SHISA9: variants seen among roughly 807,000 people sequenced by gnomAD.
SHISA9 encodes the protein protein shisa-9.
A neutral mutation model predicts 38.0 loss-of-function variants in SHISA9; 13 were observed. The ratio of observed to expected loss-of-function variants is 0.34; its 90% CI spans 0.22 to 0.54. The LOEUF is 0.54. Ranked by LOEUF, SHISA9 falls within the 20% of genes least tolerant of loss-of-function variation. The probability of loss-of-function intolerance (pLI) is 0.91; values close to 1 mark genes in which losing one functional copy is unlikely to be tolerated. For synonymous variants in SHISA9, 275 were observed against 242.0 expected (o/e 1.14, Z -1.27); for missense variants, 538 against 575.8 (o/e 0.93, Z 0.67).
chr16:12,970,112 T>C (rs1234616095), intron 2 of SHISA9, among the ~76,000 whole-genome samples: 1 of 150,656 alleles, frequency 6.6e-6, no homozygotes, highest in Admixed American at 6.6e-5. Context: ...CCTTTATGTA[T>C]TTAAATATTA....
chr16:13,105,975 C>G (rs149440091), intron 2 of SHISA9, among the ~76,000 whole-genome samples: 3 of 152,296 alleles, frequency 2.0e-5, no homozygotes, highest in African/African-American at 7.2e-5. Flanking sequence ...TCCATGTGCC[C>G]TGGTCTCTCT....
At chr16:13,370,946 T>G in the SHISA9 span, among the ~76,000 whole-genome samples, 191 of 152,230 alleles carry the variant, frequency 1.3e-3, no homozygotes, top group African/African-American at 4.5e-3. Context: ...GCTGCCAGAT[T>G]TAGTAAATAA....
At chr16:13,041,030 C>T (rs2073126354) in intron 2 of SHISA9, among the ~76,000 whole-genome samples, 1 of 152,172 alleles carries the variant, frequency 6.6e-6, no homozygotes, top group Non-Finnish European at 1.5e-5. Context: ...TCCATTCATT[C>T]ATTTAACAAG....
intron 2 of SHISA9, among the ~76,000 whole-genome samples, chr16:12,957,364 G>C (rs566251886): frequency 6.6e-5 from 10 of 152,294 alleles, no homozygotes; most frequent in Middle Eastern, 3.4e-3. Flanking sequence ...ATAAACAACA[G>C]ACATTTGTTT....
At chr16:12,958,966 G>T (rs2071872637) in intron 2 of SHISA9, among the ~76,000 whole-genome samples, 1 of 152,190 alleles carries the variant, frequency 6.6e-6, no homozygotes, top group African/African-American at 2.4e-5. Context: ...GGGCCAGTGT[G>T]GCTGGTATAG....
chr16:12,917,786 A>G (rs2071278076), intron 2 of SHISA9, among the ~76,000 whole-genome samples: 1 of 152,220 alleles, frequency 6.6e-6, no homozygotes, highest in Non-Finnish European at 1.5e-5. Flanking sequence ...AACAGAAACA[A>G]TTCTAATGAT....
At chr16:13,221,056 C>T (rs1567254070) in intron 4 of SHISA9, among the ~76,000 whole-genome samples, 1 of 151,578 alleles carries the variant, frequency 6.6e-6, no homozygotes, top group Non-Finnish European at 1.5e-5. Context: ...ATCACAGTAC[C>T]ACCGCCTGTT....
At chr16:13,079,902 T>G (rs895932844) in intron 2 of SHISA9, among the ~76,000 whole-genome samples, 3 of 152,214 alleles carry the variant, frequency 2.0e-5, no homozygotes, top group African/African-American at 7.2e-5. Context: ...AAACACCTTC[T>G]TGTGGTGTTA....
the SHISA9 span, among the ~76,000 whole-genome samples, chr16:13,420,322 G>A: frequency 4.7e-5 from 7 of 149,268 alleles, no homozygotes; most frequent in Non-Finnish European, 4.4e-5. Context: ...TGTGCTTGGT[G>A]CTGTGCCAGT....
At chr16:13,519,417 A>G in the SHISA9 span, among the ~76,000 whole-genome samples, 2 of 152,194 alleles carry the variant, frequency 1.3e-5, no homozygotes, top group African/African-American at 2.4e-5. Flanking sequence ...TGATGGGTAG[A>G]TGGCTTCACT....
At chr16:13,345,692 G>GCTGAA in the SHISA9 span, among the ~76,000 whole-genome samples, 3,794 of 152,180 alleles carry the variant, frequency 0.025, 141 homozygotes, top group African/African-American at 0.086. Context: ...CTCCACAATG[G>GCTGAA]CTGAACTAAT....
At chr16:12,961,540 T>C (rs1384247805) in intron 2 of SHISA9, among the ~76,000 whole-genome samples, 2 of 152,120 alleles carry the variant, frequency 1.3e-5, no homozygotes, top group Admixed American at 1.3e-4. Flanking sequence ...AAAAAGGATG[T>C]GTCTGTATCC....
At chr16:12,970,410 T>TGTATAC (rs1567357094) in intron 2 of SHISA9, among the ~76,000 whole-genome samples, 3 of 12,576 alleles carry the variant, frequency 2.4e-4, no homozygotes, top group East Asian at 2.0e-3. Context: ...TATACATATA[T>TGTATAC]ATATATACAC....
chr16:13,400,469 C>T, the SHISA9 span, among the ~76,000 whole-genome samples: 1 of 152,138 alleles, frequency 6.6e-6, no homozygotes. Flanking sequence ...TCTTTCAAGG[C>T]CAAATCGTCT....
At chr16:13,427,918 C>T in the SHISA9 span, among the ~76,000 whole-genome samples, 1 of 152,328 alleles carries the variant, frequency 6.6e-6, no homozygotes, top group Admixed American at 6.5e-5. Context: ...GAGTGCTTGG[C>T]ACATTGCAGA....
rs1268205822 is a variant in SHISA9 at position 13,235,378 on chromosome 16, TCAC to T, written c.1247_1249del (p.Thr416del). The T allele has an allele frequency of 6.5e-7, 1 of 1,539,300 alleles. No individual in the cohort carries two copies. Among genetic ancestry groups the T allele is most frequent in the Non-Finnish European group, 8.7e-7 (1 of 1,146,844 alleles). ...TACCCACCCCCACAGCCATACTTCA[TCAC>T]CAACAGCAAAACAGAAGTGACTGTC... On this transcript the variant is annotated inframe_deletion, in exon 5 of 5. Transcript: ENST00000558583.
the SHISA9 span, among the ~76,000 whole-genome samples, chr16:13,370,666 C>T: frequency 6.6e-6 from 1 of 152,118 alleles, no homozygotes; most frequent in Non-Finnish European, 1.5e-5. Flanking sequence ...TAAGTATTCC[C>T]ACTATGATCT....
At chr16:13,554,223 C>G in the SHISA9 span, among the ~76,000 whole-genome samples, 1 of 151,010 alleles carries the variant, frequency 6.6e-6, no homozygotes, top group Non-Finnish European at 1.5e-5. Flanking sequence ...CTACATACTC[C>G]AGGAAGCCAT....
chr16:12,934,317 A>G (rs183341322), intron 2 of SHISA9, among the ~76,000 whole-genome samples: 17 of 152,342 alleles, frequency 1.1e-4, no homozygotes, highest in African/African-American at 3.6e-4. Flanking sequence ...TGACCTGACC[A>G]TCCAATAATG....
Sources: allele counts gnomAD v4.1 joint callset (sites outside exome capture counted in the v4.1 genomes callset), GRCh38; gene constraint gnomAD v4.1.1; transcripts MANE v1.5; gene names NCBI Gene and HGNC (gene_info 2026-07-23, HGNC 2026-07-21).